STON2: variants seen among roughly 807,000 people sequenced by gnomAD.
STON2 encodes the protein stonin-2.
In STON2, 29 loss-of-function variants were observed where a neutral mutation model predicts 65.7. That is an observed-to-expected ratio of 0.44 (90% CI 0.33 to 0.60). STON2 has a LOEUF of 0.60. Among genes scored for constraint, STON2 ranks in the 20% least tolerant of loss-of-function variants. The pLI, the probability that STON2 is intolerant of heterozygous loss-of-function variation, is 0.03. For missense variants in STON2, 1,054 were observed against 1,118.1 expected, an observed-to-expected ratio of 0.94 and a Z score of 0.82; for synonymous variants, 404 against 414.2, an observed-to-expected ratio of 0.98 and a Z score of 0.30.
chr14:81,398,616 G>T, intron 1 of STON2, 36 bp from the exon 2 acceptor site: 1 of 458,658 alleles, frequency 2.2e-6, no homozygotes, highest in Non-Finnish European at 3.9e-6. Context: ...AATTAAAAAG[G>T]ATAACCATCA....
intron 5 of STON2, among the ~76,000 whole-genome samples, chr14:81,286,133 G>C (rs1332116864): frequency 6.6e-6 from 1 of 152,146 alleles, no homozygotes; most frequent in South Asian, 2.1e-4. Context: ...GGGTGACAGA[G>C]CCATTTCCAT....
intron 4 of STON2, among the ~76,000 whole-genome samples, chr14:81,335,027 GTGTGT>G (rs1897323088): frequency 7.0e-6 from 1 of 142,568 alleles, no homozygotes; most frequent in Non-Finnish European, 1.5e-5. Context: ...ATTTGTGTGT[GTGTGT>G]GTGTGTGTGT....
intron 3 of STON2, among the ~76,000 whole-genome samples, chr14:81,376,164 T>C (rs1318582378): frequency 6.6e-6 from 1 of 151,470 alleles, no homozygotes; most frequent in African/African-American, 2.4e-5. Context: ...AATCACAGAA[T>C]GTTAGAAAAA....
intron 2 of STON2, among the ~76,000 whole-genome samples, chr14:81,396,526 T>G (rs1371102392): frequency 6.6e-6 from 1 of 152,090 alleles, no homozygotes; most frequent in Non-Finnish European, 1.5e-5. Context: ...GTGAGACAAG[T>G]GAAAGGCAAA....
At chr14:81,282,918 A>C (rs1489439409) in intron 5 of STON2, among the ~76,000 whole-genome samples, 1 of 152,226 alleles carries the variant, frequency 6.6e-6, no homozygotes, top group Non-Finnish European at 1.5e-5. Context: ...GCAAAAACCA[A>C]GTATCTTGAT....
In STON2 at chr14:81,277,968, G is replaced by A. The variant is rs761697228; in HGVS notation, c.1514C>T (p.Pro505Leu). The A allele has an allele frequency of 2.0e-5, 33 of 1,614,100 alleles. No individual in the cohort carries two copies. The highest frequency in any genetic ancestry group is 1.6e-4 in the Middle Eastern group (1 of 6,062). ...KNIMSSRHWGPIFVKLTDTGY... is the reference protein window; with the variant it reads ...KNIMSSRHWGLIFVKLTDTGY... Reference sequence around the variant, plus strand: ...AGTGTCTGTCAGTTTGACGAAGATCGGTCCCCAGTGCCTGGAGGACATGAT... The same window carrying A: ...AGTGTCTGTCAGTTTGACGAAGATCAGTCCCCAGTGCCTGGAGGACATGAT... The change falls in exon 6 of 8, where the codon CCG becomes CTG. Residue 505 changes from proline (P) to leucine (L), a missense_variant. By Grantham distance (98) the Pro-to-Leu change is moderately conservative. Coordinates refer to ENST00000614646, the MANE Select transcript of STON2 (RefSeq NM_001394390.1).
In STON2 at chr14:81,262,126, A is replaced by C; in HGVS notation, c.*6288T>G. 1 of 985,410 alleles carries C rather than the reference A, an allele frequency of 1.0e-6. No homozygotes were observed. The highest frequency in any genetic ancestry group is 1.2e-6 in the Non-Finnish European group (1 of 829,902). 61.0% of individuals were successfully genotyped at this position (985,410 alleles called of 1,614,324 possible). ...TTAGAGCTGGAAAGGACTTGAAGAA[A>C]CAATTAATCCAACTTCCTCACTTTT... On this transcript the variant is annotated 3_prime_UTR_variant, in exon 8 of 8. Coordinates refer to ENST00000614646, the MANE Select transcript of STON2 (RefSeq NM_001394390.1).
intron 4 of STON2, among the ~76,000 whole-genome samples, chr14:81,325,381 A>C (rs1367575875): frequency 2.0e-5 from 3 of 152,062 alleles, no homozygotes; most frequent in African/African-American, 7.2e-5. Flanking sequence ...CTTCCCAAAG[A>C]GGGGAAGGGA....
intron 4 of STON2, among the ~76,000 whole-genome samples, chr14:81,363,668 A>T (rs1898596645): frequency 6.6e-6 from 1 of 152,198 alleles, no homozygotes; most frequent in African/African-American, 2.4e-5. Flanking sequence ...TTGAGGAAGG[A>T]AAATATTGTT....
chr14:81,425,096 G>C (rs1901901269), intron 2 of STON2, among the ~76,000 whole-genome samples: 1 of 152,194 alleles, frequency 6.6e-6, no homozygotes, highest in African/African-American at 2.4e-5. Flanking sequence ...AAATACAGCA[G>C]ACATAATAAT....
intron 2 of STON2, among the ~76,000 whole-genome samples, chr14:81,410,067 C>T (rs1176199790): frequency 2.6e-5 from 4 of 151,784 alleles, no homozygotes; most frequent in African/African-American, 7.3e-5. Flanking sequence ...TCTCTTTTTT[C>T]CCAACTTGAA....
intron 4 of STON2, among the ~76,000 whole-genome samples, chr14:81,337,315 T>C (rs972383886): frequency 6.6e-6 from 1 of 152,210 alleles, no homozygotes; most frequent in Non-Finnish European, 1.5e-5. Flanking sequence ...TGTAATGTGG[T>C]AGTAAATTCA....
At chr14:81,335,860 T>G (rs1305235887) in intron 4 of STON2, among the ~76,000 whole-genome samples, 1 of 151,928 alleles carries the variant, frequency 6.6e-6, no homozygotes, top group African/African-American at 2.4e-5. Context: ...GAGAGAGAAT[T>G]TAGGAATGGG....
At position 81,358,864 on chromosome 14, in the gene STON2, C is replaced by T. The variant is rs113215766; in HGVS notation, c.571+12124G>A. ...CAATGATTATAAATACATAAGCCCC[C>T]AATATCGAAGCACCTAAATACATAA... On this transcript the variant is annotated intron_variant, in intron 4 of 7. Transcript: ENST00000614646. Among the ~76,000 whole-genome samples, 526 of 152,216 alleles carry T rather than the reference C, an allele frequency of 3.5e-3. 1 individual carries two copies. The highest frequency in any genetic ancestry group is 0.012 in the African/African-American group (505 of 41,544).
At position 81,425,553 on chromosome 14, in the gene STON2, C is replaced by A. The variant is rs1901925238; in HGVS notation, c.-199+1549G>T. Among the ~76,000 whole-genome samples the A allele has an allele frequency of 2.6e-5, 4 of 151,652 alleles. No homozygotes were observed. The South Asian group carries it at 8.3e-4, about 32-fold the overall frequency. On this transcript the variant is annotated intron_variant, in intron 2 of 8. Coordinates refer to the STON2 transcript ENST00000553821. ...TGCCACTGTACTCCAGCCTGGACGACAGAGTGAACTCTGCCATCAAAAAAA... is the reference window on the plus strand; with the variant it reads ...TGCCACTGTACTCCAGCCTGGACGAAAGAGTGAACTCTGCCATCAAAAAAA...
chr14:81,348,013 G>T (rs71416865), intron 4 of STON2, among the ~76,000 whole-genome samples: 3,382 of 147,350 alleles, frequency 0.023, 149 homozygotes, highest in African/African-American at 0.081. Flanking sequence ...ACAAAATGAA[G>T]AAAAAAAAAC....
intron 2 of STON2, among the ~76,000 whole-genome samples, chr14:81,405,460 G>GTTT (rs376505307): frequency 0.23 from 14,162 of 62,848 alleles, 1,484 homozygotes; most frequent in East Asian, 0.44. Context: ...AGTTACTATT[G>GTTT]TTTTTTTTTT....
At chr14:81,284,134 C>A (rs1013299732) in intron 5 of STON2, among the ~76,000 whole-genome samples, 1 of 152,160 alleles carries the variant, frequency 6.6e-6, no homozygotes, top group African/African-American at 2.4e-5. Flanking sequence ...CTTCTTCAGG[C>A]CTCCTTATTC....
At chr14:81,315,570 T>C (rs1225959914) in intron 5 of STON2, among the ~76,000 whole-genome samples, 1 of 152,248 alleles carries the variant, frequency 6.6e-6, no homozygotes, top group African/African-American at 2.4e-5. Context: ...AAGAATGTGA[T>C]TCCAGCAGCT....
Sources: gnomAD v4.1 joint callset for allele counts (sites outside exome capture counted in the v4.1 genomes callset) on GRCh38, gnomAD v4.1.1 for gene constraint, MANE v1.5 for transcripts, NCBI Gene and HGNC (gene_info 2026-07-23, HGNC 2026-07-21) for gene names.